Variants in ADAMTS19 observed in about 807,000 individuals in gnomAD.
The protein encoded by ADAMTS19 is A disintegrin and metalloproteinase with thrombospondin motifs 19.
A neutral mutation model predicts 153.3 loss-of-function variants in ADAMTS19; 93 were observed. That is an observed-to-expected ratio of 0.61 (90% CI 0.51 to 0.72). The LOEUF (loss-of-function observed/expected upper bound fraction) is 0.72. ADAMTS19 is among the 30% of genes least tolerant of loss of function. The probability of loss-of-function intolerance (pLI) is 0.00; values close to 1 mark genes in which losing one functional copy is unlikely to be tolerated. For missense variants in ADAMTS19, 1,482 were observed against 1,552.1 expected (o/e 0.95, Z 0.76); for synonymous variants, 600 against 556.6 (o/e 1.08, Z -1.10).
At chr5:129,670,915 G>A (rs773961190) in intron 16 of ADAMTS19, among the ~76,000 whole-genome samples, 136 of 152,166 alleles carry the variant, frequency 8.9e-4, no homozygotes, top group African/African-American at 1.5e-3. Flanking sequence ...TCACATATCC[G>A]TCTCAGTTAG....
intron 7 of ADAMTS19, among the ~76,000 whole-genome samples, chr5:129,589,376 C>T (rs1749983725): frequency 6.6e-6 from 1 of 151,560 alleles, no homozygotes; most frequent in African/African-American, 2.4e-5. Flanking sequence ...GATAAATTTT[C>T]ATTTATACAT....
chr5:129,717,337 G>A (rs890615103), intron 21 of ADAMTS19, among the ~76,000 whole-genome samples: 2 of 151,986 alleles, frequency 1.3e-5, no homozygotes, highest in Non-Finnish European at 2.9e-5. Context: ...GGGGTACACA[G>A]TAAGTGTATA....
intron 11 of ADAMTS19, among the ~76,000 whole-genome samples, chr5:129,644,758 G>T (rs936711911): frequency 6.6e-6 from 1 of 152,108 alleles, no homozygotes; most frequent in Non-Finnish European, 1.5e-5. Context: ...GTACTTACTA[G>T]AAATGAAAAG....
intron 11 of ADAMTS19, among the ~76,000 whole-genome samples, chr5:129,645,270 T>C (rs1753009413): frequency 6.6e-6 from 1 of 152,244 alleles, no homozygotes; most frequent in South Asian, 2.1e-4. Context: ...GCAAACGTTG[T>C]ATGAAACAAA....
chr5:129,523,620 A>T (rs745522097), intron 3 of ADAMTS19, among the ~76,000 whole-genome samples: 2 of 152,162 alleles, frequency 1.3e-5, no homozygotes, highest in Non-Finnish European at 2.9e-5. Context: ...TCGCAAATTT[A>T]TTATTGAAGC....
chr5:129,593,252 T>G (rs1056534486), intron 7 of ADAMTS19, among the ~76,000 whole-genome samples: 1 of 152,172 alleles, frequency 6.6e-6, no homozygotes, highest in African/African-American at 2.4e-5. Context: ...TGATCTTGAT[T>G]CTCACCCACA....
intron 2 of ADAMTS19, among the ~76,000 whole-genome samples, chr5:129,499,500 T>A (rs1056527484): frequency 1.3e-5 from 2 of 152,100 alleles, no homozygotes; most frequent in African/African-American, 4.8e-5. Context: ...TTGAATCTTT[T>A]AAAATCTCTA....
At chr5:129,643,775 CTGTTT>C (rs1438486054) in intron 11 of ADAMTS19, among the ~76,000 whole-genome samples, 2 of 152,096 alleles carry the variant, frequency 1.3e-5, no homozygotes, top group African/African-American at 4.8e-5. Context: ...GAATTTGGGT[CTGTTT>C]TATTTTTTAA....
At chr5:129,552,508 C>A (rs915992119) in intron 7 of ADAMTS19, among the ~76,000 whole-genome samples, 5 of 151,190 alleles carry the variant, frequency 3.3e-5, no homozygotes, top group African/African-American at 1.2e-4. Flanking sequence ...ATGTATCTAT[C>A]CAAAGATACC....
chr5:129,727,331 C>G (rs1757247647), intron 21 of ADAMTS19, among the ~76,000 whole-genome samples: 1 of 152,038 alleles, frequency 6.6e-6, no homozygotes, highest in Non-Finnish European at 1.5e-5. Flanking sequence ...ATATGATCAC[C>G]CTATCTAAAG....
intron 10 of ADAMTS19, among the ~76,000 whole-genome samples, chr5:129,627,591 TAAAC>T (rs1339364459): frequency 6.6e-6 from 1 of 150,998 alleles, no homozygotes; most frequent in Non-Finnish European, 1.5e-5. Flanking sequence ...GGGAGGAACT[TAAAC>T]AAATTTAAAA....
intron 6 of ADAMTS19, among the ~76,000 whole-genome samples, chr5:129,533,654 T>G (rs1752297156): frequency 6.6e-6 from 1 of 152,190 alleles, no homozygotes; most frequent in South Asian, 2.1e-4. Flanking sequence ...ATGTGTTTGC[T>G]CTTGCTTCTC....
At chr5:129,670,986 A>G (rs1045301262) in intron 16 of ADAMTS19, among the ~76,000 whole-genome samples, 2 of 152,204 alleles carry the variant, frequency 1.3e-5, no homozygotes, top group Non-Finnish European at 2.9e-5. Flanking sequence ...TTTTACTTGT[A>G]GAAAGAAACA....
intron 2 of ADAMTS19, among the ~76,000 whole-genome samples, chr5:129,485,449 G>A (rs1750556862): frequency 1.3e-5 from 2 of 151,740 alleles, no homozygotes; most frequent in African/African-American, 2.4e-5. Flanking sequence ...GAAATATAAA[G>A]AATAAAGGAA....
At chr5:129,614,853 G>T (rs953403926) in intron 8 of ADAMTS19, among the ~76,000 whole-genome samples, 2 of 151,958 alleles carry the variant, frequency 1.3e-5, no homozygotes, top group East Asian at 1.9e-4. Context: ...GGATACAAAA[G>T]CAATGTGCAA....
At chr5:129,649,438 T>A (rs1753216134) in intron 13 of ADAMTS19, among the ~76,000 whole-genome samples, 1 of 152,120 alleles carries the variant, frequency 6.6e-6, no homozygotes, top group South Asian at 2.1e-4. Context: ...TTATGCTGAG[T>A]GAAAAATGCC....
At chr5:129,556,016 A>G (rs1249925558) in intron 7 of ADAMTS19, among the ~76,000 whole-genome samples, 1 of 152,202 alleles carries the variant, frequency 6.6e-6, no homozygotes, top group Admixed American at 6.5e-5. Flanking sequence ...ACAGAATATT[A>G]TTAAGCAAGT....
intron 19 of ADAMTS19, among the ~76,000 whole-genome samples, chr5:129,699,374 G>C (rs995993790): frequency 6.9e-6 from 1 of 143,960 alleles, no homozygotes; most frequent in African/African-American, 2.6e-5. Context: ...AGTGAGCCAA[G>C]ATTGTACCAT....
At chr5:129,580,143 G>T (rs996027377) in intron 7 of ADAMTS19, among the ~76,000 whole-genome samples, 1 of 152,056 alleles carries the variant, frequency 6.6e-6, no homozygotes, top group African/African-American at 2.4e-5. Flanking sequence ...CCTTGAAGAG[G>T]TCCTTCACAT....
Sources: gnomAD v4.1 joint callset for allele counts (sites outside exome capture counted in the v4.1 genomes callset) on GRCh38, gnomAD v4.1.1 for gene constraint, MANE v1.5 for transcripts, NCBI Gene and HGNC (gene_info 2026-07-23, HGNC 2026-07-21) for gene names.